Variants in NF1 observed in about 807,000 individuals in gnomAD.
NF1 encodes neurofibromin.
A neutral mutation model predicts 325.7 loss-of-function variants in NF1; 122 were observed. That is an observed-to-expected ratio of 0.37 (90% CI 0.32 to 0.44). NF1 has a LOEUF of 0.44. Among genes scored for constraint, NF1 ranks in the 20% least tolerant of loss-of-function variants. The pLI is 1.00. For synonymous variants in NF1, 1,091 were observed against 1,186.0 expected (o/e 0.92, Z 1.65); for missense variants, 2,140 against 3,415.4 (o/e 0.63, Z 9.31).
intron 7 of NF1, 84 bp from the exon 8 acceptor site, chr17:31,182,424 G>T: frequency 7.2e-7 from 1 of 1,391,956 alleles, no homozygotes; most frequent in Non-Finnish European, 1.0e-6. Context: ...TTGCCCTTGG[G>T]TTTTTACATA....
chr17:31,219,543 T>TA (rs2066886229), intron 14 of NF1, among the ~76,000 whole-genome samples: 1 of 152,142 alleles, frequency 6.6e-6, no homozygotes, highest in African/African-American at 2.4e-5. Context: ...GCAGGTTTGT[T>TA]ACATATGTAT....
At position 31,327,743 on chromosome 17, in the gene NF1, C is replaced by T. The variant is rs368654378; in HGVS notation, c.5513C>T (p.Ser1838Phe). The stretch of plus-strand genomic sequence containing the variant: ...CGCTGGGAACTGTCACAGCCCGACT[C>T]TATCCCCCAACACACCAAGATTCGG... ...RTRWELSQPDSIPQHTKIRPK... is the reference protein window; with the variant it reads ...RTRWELSQPDFIPQHTKIRPK... The change falls in exon 38 of 58, where the codon TCT becomes TTT. Residue 1838 changes from serine (S) to phenylalanine (F), a missense_variant. This residue lies in a region of NF1 where 147 missense variants were observed against 186.7 expected (regional missense o/e 0.79). Transcript: ENST00000358273. 6.2e-7 allele frequency: 1 copy of T among 1,614,144 alleles called. No homozygotes were observed. The highest frequency in any genetic ancestry group is 1.1e-5 in the South Asian group (1 of 91,084).
chr17:31,273,307 T>TAA (rs2067938512), intron 36 of NF1, among the ~76,000 whole-genome samples: 1 of 152,108 alleles, frequency 6.6e-6, no homozygotes, highest in Non-Finnish European at 1.5e-5. Context: ...GATGAGGTTT[T>TAA]CTTCATTAAC....
chr17:31,320,261 T>C lies in NF1; in HGVS notation c.4836-5559T>C, dbSNP rs745316167. On this transcript the variant is annotated intron_variant, in intron 36 of 57. Coordinates refer to ENST00000358273, the MANE Select transcript of NF1 (RefSeq NM_001042492.3). The stretch of plus-strand genomic sequence containing the variant: ...GCAAAACTATATTGTTCTCCTGAGA[T>C]TTACTAAATGAAATTGCCTGGTTAA... 1.6e-5 allele frequency: 12 copies of C among 769,106 alleles called. No individual in the cohort carries two copies. In the Admixed American group the frequency reaches 1.9e-4, roughly 12 times the overall value. 47.6% of individuals were successfully genotyped at this position (769,106 alleles called of 1,614,324 possible).
intron 5 of NF1, among the ~76,000 whole-genome samples, chr17:31,173,335 G>A (rs1325254029): frequency 6.6e-6 from 1 of 152,072 alleles, no homozygotes; most frequent in African/African-American, 2.4e-5. Context: ...GCATGAACCC[G>A]GGAGGCAGAG....
intron 36 of NF1, chr17:31,305,630 T>C (rs2068698884): frequency 6.3e-7 from 1 of 1,599,950 alleles, no homozygotes; most frequent in Non-Finnish European, 8.5e-7. Context: ...TTCCTCGTTA[T>C]CTATAGCGGG....
chr17:31,279,507 C>A (rs999828322), intron 36 of NF1, among the ~76,000 whole-genome samples: 53 of 151,728 alleles, frequency 3.5e-4, no homozygotes, highest in African/African-American at 1.3e-3. Flanking sequence ...TTTTGTAATC[C>A]TAGCTACTTG....
intron 11 of NF1, 53 bp downstream of exon 11, chr17:31,201,538 C>G (rs2143888011): frequency 7.6e-7 from 1 of 1,307,204 alleles, no homozygotes; most frequent in South Asian, 1.2e-5. Flanking sequence ...TCTTTCTTTT[C>G]TTTGCGTATT....
rs775414476 is a variant in NF1 at position 31,225,216 on chromosome 17, C to A, written c.1967C>A (p.Ala656Asp). Residue 656 changes from alanine to aspartate, a missense_variant, in exon 17 of 58, where the codon GCC (alanine) becomes GAC (aspartate). Coordinates refer to ENST00000358273, the MANE Select transcript of NF1 (RefSeq NM_001042492.3). ...DHEELLRTPG[A>D]SLRKGKGNSS... ...GAAGAATTACTACGTACTCCTGGAG[C>A]CTCTCTCCGGAAGGGAAAAGGGAAC... The A allele has an allele frequency of 6.2e-7, 1 of 1,613,722 alleles. No homozygotes were observed. The highest frequency in any genetic ancestry group is 1.1e-5 in the South Asian group (1 of 91,070).
At chr17:31,363,916 T>C (rs2070455542) in intron 57 of NF1, among the ~76,000 whole-genome samples, 1 of 151,608 alleles carries the variant, frequency 6.6e-6, no homozygotes, top group Non-Finnish European at 1.5e-5. Context: ...AATTATTGTA[T>C]TTTTAGTAGA....
intron 29 of NF1, among the ~76,000 whole-genome samples, chr17:31,238,202 G>T (rs1476924725): frequency 6.6e-6 from 1 of 152,062 alleles, no homozygotes; most frequent in Admixed American, 6.5e-5. Context: ...CTGCACCTTT[G>T]TAAGTTTTAC....
chr17:31,370,586 A>C (rs1461609829), intron 57 of NF1, among the ~76,000 whole-genome samples: 2 of 152,162 alleles, frequency 1.3e-5, no homozygotes, highest in Non-Finnish European at 2.9e-5. Context: ...CACTTTTTTG[A>C]AGATACCTTC....
intron 36 of NF1, chr17:31,296,544 A>T (rs1393838592): frequency 1.8e-6 from 1 of 567,584 alleles, no homozygotes. Context: ...GTAGAGAGAG[A>T]CTCTCTCCCT....
intron 1 of NF1, among the ~76,000 whole-genome samples, chr17:31,151,252 G>A (rs1049349004): frequency 4.6e-5 from 7 of 152,084 alleles, no homozygotes; most frequent in Non-Finnish European, 7.4e-5. Flanking sequence ...ATACCATATA[G>A]CCTAGAGGTG....
intron 46 of NF1, among the ~76,000 whole-genome samples, chr17:31,339,050 G>A (rs1397337460): frequency 6.6e-6 from 1 of 152,008 alleles, no homozygotes; most frequent in African/African-American, 2.4e-5. Context: ...GGAAAGATAG[G>A]TATATATTCT....
chr17:31,124,518 G>A (rs1390307193), intron 1 of NF1, among the ~76,000 whole-genome samples: 1 of 106,706 alleles, frequency 9.4e-6, no homozygotes, highest in Non-Finnish European at 2.1e-5. Flanking sequence ...TGTTTTCAGG[G>A]TTTTTTTTTT....
chr17:31,264,289 T>C (rs1158425592), intron 35 of NF1, among the ~76,000 whole-genome samples: 1 of 151,696 alleles, frequency 6.6e-6, no homozygotes, highest in African/African-American at 2.4e-5. Context: ...TGGGCACTTG[T>C]AATCCCAGCT....
At chr17:31,271,293 C>T (rs1332441181) in intron 36 of NF1, among the ~76,000 whole-genome samples, 2 of 152,048 alleles carry the variant, frequency 1.3e-5, no homozygotes, top group East Asian at 1.9e-4. Flanking sequence ...TTGTCATTGG[C>T]GCAATATCAT....
chr17:31,113,928 T>C (rs1913658753), intron 1 of NF1, among the ~76,000 whole-genome samples: 1 of 152,236 alleles, frequency 6.6e-6, no homozygotes, highest in African/African-American at 2.4e-5. Flanking sequence ...GAGCAGAGTC[T>C]CATAATTGTA....
Sources: gnomAD v4.1 joint callset for allele counts (sites outside exome capture counted in the v4.1 genomes callset) on GRCh38, gnomAD v4.1.1 for gene constraint, gnomAD v4.1.1 regional missense constraint, MANE v1.5 for transcripts, NCBI Gene and HGNC (gene_info 2026-07-23, HGNC 2026-07-21) for gene names.